OSBPL3: variants seen among roughly 807,000 people sequenced by gnomAD.
OSBPL3 encodes oxysterol binding protein like 3.
A neutral mutation model predicts 120.1 loss-of-function variants in OSBPL3; 65 were observed. The observed-to-expected ratio is 0.54, with a 90% CI of 0.44 to 0.67. OSBPL3 has a LOEUF of 0.67. OSBPL3 is among the 30% of genes least tolerant of loss of function. OSBPL3 has a pLI of 0.00. For synonymous variants in OSBPL3, 416 were observed against 402.6 expected (o/e 1.03, Z -0.40); for missense variants, 1,004 against 1,082.1 (o/e 0.93, Z 1.01).
chr7:24,811,517 T>C (rs573103034), intron 19 of OSBPL3, among the ~76,000 whole-genome samples: 2 of 152,256 alleles, frequency 1.3e-5, no homozygotes, highest in Non-Finnish European at 2.9e-5. Context: ...ATAATCCCAT[T>C]TGTCTATGTT....
In OSBPL3 at chr7:24,938,779, A is replaced by C; in HGVS notation, c.-150+41107T>G. On this transcript the variant is annotated intron_variant, in intron 1 of 22. Coordinates refer to ENST00000313367, the MANE Select transcript of OSBPL3 (RefSeq NM_015550.4). This position sits in a 1 kb window ranked among gnomAD's most constrained non-coding sequence, Gnocchi z 5.8. ...AACTGAATAATGAGGTTTTGTTTTG[A>C]TGTGTGTGTGTGTGTGTGTGTGTGT... Among the ~76,000 whole-genome samples the C allele has an allele frequency of 1.1e-5, 1 of 94,256 alleles. No individual in the cohort carries two copies. The highest frequency in any genetic ancestry group is 4.1e-4 in the South Asian group (1 of 2,428). 61.8% of individuals were successfully genotyped at this position (94,256 alleles called of 152,430 possible). A position where few individuals can be genotyped will look rare whatever the true frequency, so the allele number is the denominator to read the frequency against.
chr7:24,827,596 T>C lies in OSBPL3; in HGVS notation c.1884+3172A>G, dbSNP rs556349802. Among the ~76,000 whole-genome samples, 4 of 152,240 alleles carry C rather than the reference T, an allele frequency of 2.6e-5. No individual in the cohort carries two copies. Among genetic ancestry groups the C allele is most frequent in the African/African-American group, 9.6e-5 (4 of 41,462 alleles). ...ACTGGACAATGCTTTCTGATCCCCA[T>C]AGCAGGTCTATTTTTCACAGTAAAT... On this transcript the variant is annotated intron_variant, in intron 16 of 22. Coordinates refer to ENST00000313367, the MANE Select transcript of OSBPL3 (RefSeq NM_015550.4). The surrounding 1 kb of genome is among the most constrained non-coding windows in gnomAD (Gnocchi z 5.1).
chr7:24,931,561 A>G (rs909743705), intron 1 of OSBPL3, among the ~76,000 whole-genome samples: 2 of 152,194 alleles, frequency 1.3e-5, no homozygotes, highest in Non-Finnish European at 1.5e-5. Context: ...AAGACAGAAA[A>G]AGCATGGAAG....
intron 2 of OSBPL3, among the ~76,000 whole-genome samples, chr7:24,885,588 A>G (rs889917740): frequency 1.3e-5 from 2 of 152,240 alleles, no homozygotes; most frequent in Non-Finnish European, 2.9e-5. Context: ...TCATGAGTGA[A>G]GCACTTGTCA....
Position 24,932,831 on chromosome 7 carries a change from T to G in OSBPL3, c.-149-40210A>C, listed in dbSNP as rs184255862. 6.6e-3 allele frequency among the ~76,000 whole-genome samples: 1,008 copies of G among 152,354 alleles called. 14 individuals carry two copies. Among genetic ancestry groups the G allele is most frequent in the Middle Eastern group, 0.017 (5 of 294 alleles). Reference sequence around the variant, plus strand: ...CTGCCTTATATTCAAGCATTTGAAATGTTGGGCATTCAGGAACGATCTTTC... The same window carrying G: ...CTGCCTTATATTCAAGCATTTGAAAGGTTGGGCATTCAGGAACGATCTTTC... On this transcript the variant is annotated intron_variant, in intron 1 of 22. Coordinates refer to ENST00000313367, the MANE Select transcript of OSBPL3 (RefSeq NM_015550.4). This position sits in a 1 kb window ranked among gnomAD's most constrained non-coding sequence, Gnocchi z 5.6.
Position 24,926,213 on chromosome 7 carries a change from T to A in OSBPL3, c.-149-33592A>T, listed in dbSNP as rs115343955. Among the ~76,000 whole-genome samples the A allele has an allele frequency of 4.5e-3, 684 of 152,308 alleles. 10 individuals are homozygous for A. The highest frequency in any genetic ancestry group is 0.016 in the African/African-American group (648 of 41,576). On this transcript the variant is annotated intron_variant, in intron 1 of 22. Coordinates refer to ENST00000313367, the MANE Select transcript of OSBPL3 (RefSeq NM_015550.4). ...GATGGACTCCATTTCATACAAAGCT[T>A]TCCAGTTTTCAGTTTGAACGTGTAG... is the stretch of plus-strand genomic sequence containing the variant.
At position 24,938,779 on chromosome 7, in the gene OSBPL3, A is replaced by ATGTGTGTGTCTGTGTGTGTGTG. The variant is rs1464067345; in HGVS notation, c.-150+41106_-150+41107insCACACACACACAGACACACACA. ...AACTGAATAATGAGGTTTTGTTTTG[A>ATGTGTGTGTCTGTGTGTGTGTG]TGTGTGTGTGTGTGTGTGTGTGTGT... On this transcript the variant is annotated intron_variant, in intron 1 of 22. Coordinates refer to ENST00000313367, the MANE Select transcript of OSBPL3 (RefSeq NM_015550.4). The surrounding 1 kb of genome is among the most constrained non-coding windows in gnomAD (Gnocchi z 5.8). 1.4e-4 allele frequency among the ~76,000 whole-genome samples: 13 copies of ATGTGTGTGTCTGTGTGTGTGTG among 94,256 alleles called. 1 individual carries two copies. Among genetic ancestry groups the ATGTGTGTGTCTGTGTGTGTGTG allele is most frequent in the African/African-American group, 4.1e-4 (10 of 24,502 alleles). 61.8% of individuals were successfully genotyped at this position (94,256 alleles called of 152,430 possible).
chr7:24,827,329 A>C lies in OSBPL3; in HGVS notation c.1884+3439T>G, dbSNP rs1176672464. Among the ~76,000 whole-genome samples the C allele has an allele frequency of 6.6e-6, 1 of 152,152 alleles. No individual in the cohort carries two copies. The highest frequency in any genetic ancestry group is 1.5e-5 in the Non-Finnish European group (1 of 68,020). ...CAGGAAACAGAATAAATGCTCTGGC[A>C]CTCTCTTCAGATGTGTTAAATTAGA... On this transcript the variant is annotated intron_variant, in intron 16 of 22. Transcript: ENST00000313367. This position sits in a 1 kb window ranked among gnomAD's most constrained non-coding sequence, Gnocchi z 5.1.
Position 24,930,448 on chromosome 7 carries a change from A to G in OSBPL3, c.-149-37827T>C, listed in dbSNP as rs1811649794. ...TAAAGATATCTCAAAATATGCCAAG[A>G]AAAAAAAAGTAAACTTTTTATTGCT... On this transcript the variant is annotated intron_variant, in intron 1 of 22. Transcript: ENST00000313367. The surrounding 1 kb of genome is among the most constrained non-coding windows in gnomAD (Gnocchi z 4.4). Among the ~76,000 whole-genome samples the G allele has an allele frequency of 8.9e-6, 1 of 112,008 alleles. No homozygotes were observed. The highest frequency in any genetic ancestry group is 1.8e-5 in the Non-Finnish European group (1 of 55,526). 73.5% of individuals were successfully genotyped at this position (112,008 alleles called of 152,430 possible).
At chr7:24,880,416 C>A (rs73089599) in intron 2 of OSBPL3, among the ~76,000 whole-genome samples, 500 of 152,178 alleles carry the variant, frequency 3.3e-3, no homozygotes, top group Non-Finnish European at 5.6e-3. Context: ...CTGCCTCTCA[C>A]CCCCCTACTC....
At chr7:24,915,175 A>T (rs1809367584) in intron 1 of OSBPL3, among the ~76,000 whole-genome samples, 1 of 152,176 alleles carries the variant, frequency 6.6e-6, no homozygotes, top group African/African-American at 2.4e-5. Flanking sequence ...CTACCCAATA[A>T]TTCTCATTTG....
At position 24,817,582 on chromosome 7, in the gene OSBPL3, AGT is replaced by A. The variant is rs1188352084; in HGVS notation, c.1949-896_1949-895del. ...CTAAGAGTCTGGTTTGTGTGCACTG[AGT>A]GGAAATAATCAGGCCACTGATGTGA... is the stretch of plus-strand genomic sequence containing the variant. On this transcript the variant is annotated intron_variant, in intron 17 of 22. Transcript: ENST00000313367. This position sits in a 1 kb window ranked among gnomAD's most constrained non-coding sequence, Gnocchi z 4.0. Among the ~76,000 whole-genome samples, 1 of 152,158 alleles carries A rather than the reference AGT, an allele frequency of 6.6e-6. No individual in the cohort carries two copies. Among genetic ancestry groups the A allele is most frequent in the African/African-American group, 2.4e-5 (1 of 41,438 alleles).
At chr7:24,910,521 A>G (rs1291943154) in intron 1 of OSBPL3, among the ~76,000 whole-genome samples, 1 of 152,256 alleles carries the variant, frequency 6.6e-6, no homozygotes, top group Non-Finnish European at 1.5e-5. Context: ...CACACTGATG[A>G]AAACTCAATT....
At chr7:24,800,645 CG>C (rs1182933959) in intron 22 of OSBPL3, among the ~76,000 whole-genome samples, 1 of 151,648 alleles carries the variant, frequency 6.6e-6, no homozygotes, top group Non-Finnish European at 1.5e-5. Flanking sequence ...TTAGTAGAGA[CG>C]GGGTTTCACC....
chr7:24,841,877 G>A (rs1368498267), intron 13 of OSBPL3, among the ~76,000 whole-genome samples: 1 of 151,426 alleles, frequency 6.6e-6, no homozygotes, highest in African/African-American at 2.4e-5. Flanking sequence ...GCCAGACACG[G>A]TGGCACGTGC....
rs996518452 is a variant in OSBPL3, at chr7:24,852,851, G to A, written c.1028-217C>T. 1.3e-5 allele frequency among the ~76,000 whole-genome samples: 2 copies of A among 152,116 alleles called. No individual in the cohort carries two copies. Among genetic ancestry groups the A allele is most frequent in the African/African-American group, 4.8e-5 (2 of 41,420 alleles). On this transcript the variant is annotated intron_variant, in intron 10 of 22. Coordinates refer to ENST00000313367, the MANE Select transcript of OSBPL3 (RefSeq NM_015550.4). The surrounding 1 kb of genome is among the most constrained non-coding windows in gnomAD (Gnocchi z 4.1). ...GGCCTCTGGATGATGATGTGTCCAC[G>A]TAGGTTCATTGACTGTAAGAGATGC...
intron 1 of OSBPL3, among the ~76,000 whole-genome samples, chr7:24,904,918 GGTGTGTGTGTGTGTGTGTGTGTGT>G (rs67222925): frequency 6.0e-5 from 8 of 132,860 alleles, no homozygotes; most frequent in African/African-American, 1.1e-4. Flanking sequence ...ATAATATACA[GGTGTGTGTGTGTGTGTGTGTGTGT>G]GTGTGTGTGT....
Position 24,811,224 on chromosome 7 carries a change from T to C in OSBPL3, c.2173-1273A>G, listed in dbSNP as rs1259159330. ...TTGATAATAGCCATTCTAACAGATA[T>C]GAGGTGATATCTCATTGTGGTTTCA... On this transcript the variant is annotated intron_variant, in intron 19 of 22. Transcript: ENST00000313367. 9.2e-5 allele frequency among the ~76,000 whole-genome samples: 14 copies of C among 152,358 alleles called. No individual in the cohort carries two copies. In the South Asian group the frequency reaches 2.9e-3, roughly 32 times the overall value.
In OSBPL3 at chr7:24,817,713, C is replaced by A. The variant is rs1794642610; in HGVS notation, c.1949-1025G>T. 6.6e-6 allele frequency among the ~76,000 whole-genome samples: 1 copy of A among 152,020 alleles called. No individual in the cohort carries two copies. Among genetic ancestry groups the A allele is most frequent in the East Asian group, 1.9e-4 (1 of 5,194 alleles). On this transcript the variant is annotated intron_variant, in intron 17 of 22. Transcript: ENST00000313367. The surrounding 1 kb of genome is among the most constrained non-coding windows in gnomAD (Gnocchi z 4.0). ...ACAAGTTAAGAGGCTACTGCAATTGCCCAGGGGATAACAAACGGGATGAAG... is the reference window on the plus strand; with the variant it reads ...ACAAGTTAAGAGGCTACTGCAATTGACCAGGGGATAACAAACGGGATGAAG...
Sources: gnomAD v4.1 joint callset for allele counts (sites outside exome capture counted in the v4.1 genomes callset) on GRCh38, gnomAD v4.1.1 for gene constraint, Gnocchi (gnomAD v3.1) non-coding constraint, MANE v1.5 for transcripts, NCBI Gene and HGNC (gene_info 2026-07-23, HGNC 2026-07-21) for gene names.